EFHC2: variants seen among roughly 807,000 people sequenced by gnomAD.
EFHC2 encodes EF-hand domain-containing family member C2.
Under a neutral mutation model 52.7 loss-of-function variants are expected in EFHC2, and 18 were observed. The observed-to-expected ratio is 0.34, with a 90% CI of 0.24 to 0.51. The LOEUF (loss-of-function observed/expected upper bound fraction) is 0.51, where lower values mean the gene tolerates loss of function less well. Ranked by LOEUF, EFHC2 falls within the 20% of genes least tolerant of loss-of-function variation. The probability of loss-of-function intolerance (pLI) is 0.97; values close to 1 mark genes in which losing one functional copy is unlikely to be tolerated. For missense variants in EFHC2, 513 were observed against 562.5 expected (o/e 0.91, Z 0.89); for synonymous variants, 203 against 204.1 (o/e 0.99, Z 0.04).
At chrX:44,320,317 T>G (rs2038010299) in intron 1 of EFHC2, among the ~76,000 whole-genome samples, 1 of 111,623 alleles carries the variant, frequency 9.0e-6, no homozygotes, top group African/African-American at 3.3e-5. Context: ...CAGGAAGCAA[T>G]GTGACCCTCA....
At chrX:44,260,549 G>A (rs2037530487) in intron 4 of EFHC2, among the ~76,000 whole-genome samples, 1 of 111,727 alleles carries the variant, frequency 9.0e-6, no homozygotes, top group Admixed American at 9.5e-5. Flanking sequence ...CTTTCCTAAA[G>A]GGGGTATATC....
intron 5 of EFHC2, among the ~76,000 whole-genome samples, chrX:44,249,614 T>C (rs1480747029): frequency 9.0e-6 from 1 of 111,692 alleles, no homozygotes; most frequent in Non-Finnish European, 1.9e-5. Context: ...CAAATGGCCA[T>C]AAATATTTGT....
chrX:44,274,385 T>C (rs1392697170), intron 2 of EFHC2, among the ~76,000 whole-genome samples: 1 of 112,369 alleles, frequency 8.9e-6, no homozygotes, highest in Non-Finnish European at 1.9e-5. Flanking sequence ...TGGACAAGTA[T>C]AGAGTTTCCT....
chrX:44,305,093 C>G (rs1285510116), intron 2 of EFHC2, among the ~76,000 whole-genome samples: 1 of 109,596 alleles, frequency 9.1e-6, no homozygotes, highest in South Asian at 4.0e-4. Context: ...GAAATCCCGT[C>G]TCTACTAAAA....
intron 2 of EFHC2, among the ~76,000 whole-genome samples, chrX:44,308,625 T>C (rs1174880858): frequency 1.8e-5 from 2 of 111,327 alleles, no homozygotes; most frequent in African/African-American, 6.5e-5. Flanking sequence ...GGGCAGAGAA[T>C]CCCAGGACAC....
rs1324713957 is a variant in EFHC2, at chrX:44,250,206, A to G, written c.846T>C (p.Ser282=). Reference sequence around the variant, plus strand: ...ATCCACTGCTCACCTTGGGTAGCTTACTCCTCCGGAGGAACATTTTTAGAG... The same window carrying G: ...ATCCACTGCTCACCTTGGGTAGCTTGCTCCTCCGGAGGAACATTTTTAGAG... ...RDALKMFLRR[S]KLPKNCPPRV... Residue 282 remains serine, a synonymous_variant, in exon 5 of 15, where the codon AGT becomes AGC. Transcript: ENST00000420999. 1 of 1,208,066 alleles carries G rather than the reference A, an allele frequency of 8.3e-7. No homozygotes were observed. The highest frequency in any genetic ancestry group is 1.7e-5 in the African/African-American group (1 of 57,206).
At chrX:44,331,442 G>T (rs905425231) in intron 1 of EFHC2, among the ~76,000 whole-genome samples, 1 of 111,650 alleles carries the variant, frequency 9.0e-6, no homozygotes, top group Non-Finnish European at 1.9e-5. Context: ...GAATCCCTGT[G>T]GTGATAAGAC....
At chrX:44,178,675 G>C in intron 11 of EFHC2, 111 bp from the exon 12 acceptor site, 2 of 584,960 alleles carry the variant, frequency 3.4e-6, no homozygotes, top group Admixed American at 5.1e-5. Flanking sequence ...TTTACCAACT[G>C]TACAGAGGTC....
chrX:44,149,466 T>A (rs1205191586), intron 14 of EFHC2, among the ~76,000 whole-genome samples: 1 of 112,568 alleles, frequency 8.9e-6, no homozygotes, highest in Non-Finnish European at 1.9e-5. Flanking sequence ...GCAGCATGAA[T>A]ACGCTGATAG....
rs1010759076 is a variant in EFHC2, at chrX:44,242,321, A to C, written c.1112-32T>G. On this transcript the variant is annotated intron_variant, in intron 7 of 14. Transcript: ENST00000420999. Reference sequence around the variant, plus strand: ...CAAAACAAAGGCAAACAAAACATCAATATTTTTTTTGCCCTGATTATGGCT... The same window carrying C: ...CAAAACAAAGGCAAACAAAACATCACTATTTTTTTTGCCCTGATTATGGCT... The C allele has an allele frequency of 2.5e-6, 3 of 1,183,155 alleles. No homozygotes were observed. In the African/African-American group the frequency reaches 5.3e-5, roughly 21 times the overall value.
intron 2 of EFHC2, chrX:44,309,683 C>A: frequency 9.3e-7 from 1 of 1,071,241 alleles, no homozygotes; most frequent in Non-Finnish European, 1.3e-6. Context: ...TGTAAACCCT[C>A]TTCTCTGCTA....
At chrX:44,206,193 A>C (rs1289106246) in intron 11 of EFHC2, among the ~76,000 whole-genome samples, 1 of 111,892 alleles carries the variant, frequency 8.9e-6, no homozygotes, top group African/African-American at 3.2e-5. Flanking sequence ...ACAACATACC[A>C]AAACCTGTGG....
intron 1 of EFHC2, among the ~76,000 whole-genome samples, chrX:44,324,438 T>C (rs1045974471): frequency 9.0e-6 from 1 of 111,480 alleles, no homozygotes; most frequent in Non-Finnish European, 1.9e-5. Flanking sequence ...TGAAACTCTA[T>C]TGCAATTCCT....
At chrX:44,162,582 C>T (rs2036665066) in intron 14 of EFHC2, among the ~76,000 whole-genome samples, 1 of 111,548 alleles carries the variant, frequency 9.0e-6, no homozygotes, top group Admixed American at 9.5e-5. Flanking sequence ...TTCACCTCTT[C>T]CCCATGTGCC....
At chrX:44,229,840 A>G (rs2037262032) in intron 10 of EFHC2, 61 bp from the exon 11 acceptor site, 8 of 1,083,300 alleles carry the variant, frequency 7.4e-6, no homozygotes, top group Non-Finnish European at 9.9e-6. Flanking sequence ...CAGGAGCCCA[A>G]TCTTGCTGAT....
At position 44,312,776 on chromosome X, in the gene EFHC2, C is replaced by A. The variant is rs1388367510; in HGVS notation, c.43-20G>T. On this transcript the variant is annotated intron_variant, in intron 1 of 14. Transcript: ENST00000420999. ...TCCCACCTGTGAACATAAGAGACAA[C>A]ATAAAATAGCCAAAGTTACTCTTTA... 1.7e-6 allele frequency: 2 copies of A among 1,152,675 alleles called. No individual in the cohort carries two copies. The highest frequency in any genetic ancestry group is 2.3e-6 in the Non-Finnish European group (2 of 866,898). The allele number at this position is 1,152,675 out of a possible 1,213,427, so 95.0% of individuals were successfully genotyped here. A position where few individuals can be genotyped will look rare whatever the true frequency, so the allele number is the denominator to read the frequency against.
intron 11 of EFHC2, among the ~76,000 whole-genome samples, chrX:44,212,222 A>T (rs752018739): frequency 3.2e-4 from 36 of 111,427 alleles, no homozygotes; most frequent in African/African-American, 1.0e-3. Context: ...CACTTCTAAA[A>T]AAGAACAAAA....
chrX:44,226,050 C>T (rs911875326), intron 11 of EFHC2, among the ~76,000 whole-genome samples: 2 of 111,718 alleles, frequency 1.8e-5, no homozygotes, highest in African/African-American at 6.5e-5. Flanking sequence ...GCATTTAGCA[C>T]GATGCTTAGC....
At chrX:44,257,541 C>G (rs779196936) in intron 4 of EFHC2, among the ~76,000 whole-genome samples, 1 of 111,475 alleles carries the variant, frequency 9.0e-6, no homozygotes, top group South Asian at 3.7e-4. Context: ...TTCACAATTG[C>G]TACAAAGAGA....
Sources: gnomAD v4.1 joint callset for allele counts (sites outside exome capture counted in the v4.1 genomes callset) on GRCh38, gnomAD v4.1.1 for gene constraint, MANE v1.5 for transcripts, NCBI Gene and HGNC (gene_info 2026-07-23, HGNC 2026-07-21) for gene names.